The following DEPDC7 variants were observed in gnomAD, a reference collection of about 807,000 sequenced individuals.
DEPDC7 encodes DEP domain containing 7.
DEPDC7 carries 41 observed loss-of-function variants against 56.6 expected under a neutral mutation model. The ratio of observed to expected loss-of-function variants is 0.72; its 90% CI spans 0.56 to 0.94. The LOEUF is 0.94. Ranked by LOEUF, DEPDC7 falls within the 40% of genes least tolerant of loss-of-function variation. The pLI, the probability that DEPDC7 is intolerant of heterozygous loss-of-function variation, is 0.00. For synonymous variants in DEPDC7, 185 were observed against 208.8 expected, an observed-to-expected ratio of 0.89 and a Z score of 0.98; for missense variants, 522 against 596.3, an observed-to-expected ratio of 0.88 and a Z score of 1.30.
In DEPDC7 at chr11:33,028,764, G is replaced by C. The variant is rs1356247832; in HGVS notation, c.754G>C (p.Gly252Arg). ...MVNSSNYLDRGILKAYSDSQE... is the reference protein window; with the variant it reads ...MVNSSNYLDRRILKAYSDSQE... ...CAACAGCAGTAACTATCTGGATCGA[G>C]GGATTCTCAAGGCTTATAGTGACTC... Residue 252 changes from glycine to arginine, a missense_variant, in exon 4 of 9, where the codon GGG becomes CGG. Coordinates refer to ENST00000241051, the MANE Select transcript of DEPDC7 (RefSeq NM_001077242.2). 1 of 1,611,916 alleles carries C rather than the reference G, an allele frequency of 6.2e-7. No homozygotes were observed. Among genetic ancestry groups the C allele is most frequent in the African/African-American group, 1.3e-5 (1 of 74,822 alleles).
rs1384944332 is a variant in DEPDC7 at position 33,016,019 on chromosome 11, A to G, written c.64A>G (p.Arg22Gly). 15 of 1,546,070 alleles carry G rather than the reference A, an allele frequency of 9.7e-6. No individual in the cohort carries two copies. The highest frequency in any genetic ancestry group is 1.2e-5 in the Non-Finnish European group (14 of 1,146,620). The change falls in exon 1 of 9, where the codon AGG becomes GGG. Residue 22 changes from arginine to glycine, a missense_variant. By Grantham distance (125) the Arg-to-Gly change is moderately radical. Transcript: ENST00000241051. The part of the protein sequence containing the change: ...NLSALHSPAH[R>G]PPGFSVAQKP... ...CTCGGCTCTCCACAGCCCCGCGCAC[A>G]GGCCTCCGGGTAGGTGCCGAGGACT...
At position 33,015,879 on chromosome 11, in the gene DEPDC7, C is replaced by T. The variant is rs1455065250; in HGVS notation, c.-77C>T. Reference sequence around the variant, plus strand: ...GGCCTGCAGGGAGCCACGCCCCGCACAGTTAACAGACGGGCGCTCAGGGAG... The same window carrying T: ...GGCCTGCAGGGAGCCACGCCCCGCATAGTTAACAGACGGGCGCTCAGGGAG... On this transcript the variant is annotated 5_prime_UTR_variant, in exon 1 of 9. Coordinates refer to ENST00000241051, the MANE Select transcript of DEPDC7 (RefSeq NM_001077242.2). 6 of 1,410,578 alleles carry T rather than the reference C, an allele frequency of 4.3e-6. No homozygotes were observed. Among genetic ancestry groups the T allele is most frequent in the South Asian group, 1.3e-5 (1 of 76,562 alleles). 87.4% of individuals were successfully genotyped at this position (1,410,578 alleles called of 1,614,324 possible). A position where few individuals can be genotyped will look rare whatever the true frequency, so the allele number is the denominator to read the frequency against.
At chr11:33,016,349 G>A in intron 1 of DEPDC7, 1 of 1,414,670 alleles carries the variant, frequency 7.1e-7, no homozygotes, top group Non-Finnish European at 9.2e-7. Context: ...GGGAGCTCCG[G>A]GATATGCTCC....
chr11:33,026,119 A>T, intron 2 of DEPDC7, 70 bp downstream of exon 2: 1 of 1,538,632 alleles, frequency 6.5e-7, no homozygotes, highest in Non-Finnish European at 9.0e-7. Context: ...TGAGATGCCT[A>T]CTGGCTTTAT....
At chr11:33,026,793 C>CTTTTCTTTCCT (rs1554938364) in intron 2 of DEPDC7, 4 of 107,594 alleles carry the variant, frequency 3.7e-5, no homozygotes, top group African/African-American at 1.2e-4. Flanking sequence ...CTTTTCTTTT[C>CTTTTCTTTCCT]TTTTTTTTCC....
intron 1 of DEPDC7, among the ~76,000 whole-genome samples, chr11:33,022,392 G>C (rs1853532377): frequency 6.6e-6 from 1 of 152,140 alleles, no homozygotes; most frequent in East Asian, 1.9e-4. Flanking sequence ...TTATGTTTAA[G>C]TACTAGGAAA....
rs200779852 is a variant in DEPDC7 at position 33,016,560 on chromosome 11, C to G, written c.73+532C>G. On this transcript the variant is annotated intron_variant, in intron 1 of 8. Coordinates refer to ENST00000241051, the MANE Select transcript of DEPDC7 (RefSeq NM_001077242.2). ...GAGGGATGAGAGGTTTATGTGAGTT[C>G]TACTGGCAGGAATTTGGCATAAAAG... 3.7e-6 allele frequency: 6 copies of G among 1,614,152 alleles called. No individual in the cohort carries two copies. The Admixed American group carries it at 8.3e-5, about 22-fold the overall frequency.
chr11:33,032,975 G>C lies in DEPDC7; in HGVS notation c.1342+8G>C. The stretch of plus-strand genomic sequence containing the variant: ...ATCCAAATAGAGATGCAGGTAATCT[G>C]AGAAATATTATTTTCATGATCTTCC... On this transcript the variant is annotated splice_region_variant and intron_variant, in intron 8 of 8. Coordinates refer to ENST00000241051, the MANE Select transcript of DEPDC7 (RefSeq NM_001077242.2). The C allele has an allele frequency of 6.4e-7, 1 of 1,555,402 alleles. No homozygotes were observed. The highest frequency in any genetic ancestry group is 8.7e-7 in the Non-Finnish European group (1 of 1,144,734).
chr11:33,018,798 G>T, intron 1 of DEPDC7, among the ~76,000 whole-genome samples: 1 of 152,058 alleles, frequency 6.6e-6, no homozygotes, highest in East Asian at 1.9e-4. Flanking sequence ...TCTCTTCCAG[G>T]ATCCCATCCA....
intron 1 of DEPDC7, among the ~76,000 whole-genome samples, chr11:33,024,202 GA>G (rs1448658819): frequency 3.9e-5 from 6 of 152,142 alleles, no homozygotes; most frequent in African/African-American, 1.4e-4. Context: ...TTACAATGAG[GA>G]AAAATGTGAT....
intron 5 of DEPDC7, 144 bp downstream of exon 5, chr11:33,031,733 TTC>T: frequency 1.4e-6 from 1 of 691,604 alleles, no homozygotes; most frequent in Non-Finnish European, 2.4e-6. Context: ...GTTCAAAAAC[TTC>T]TAGGGGTCAT....
rs1231146986 is a variant in DEPDC7, at chr11:33,026,198, A to AT, written c.464+153dup. ...GGTAAATTTGATAAAGTGCGATGAA[A>AT]TTTTGTTAGCTTTATTGGGTGTCTC... On this transcript the variant is annotated intron_variant, in intron 2 of 8. Coordinates refer to ENST00000241051, the MANE Select transcript of DEPDC7 (RefSeq NM_001077242.2). 13 of 833,052 alleles carry AT rather than the reference A, an allele frequency of 1.6e-5. No individual in the cohort carries two copies. The South Asian group carries it at 2.1e-4, about 13-fold the overall frequency. The allele number at this position is 833,052 out of a possible 1,614,324, so 51.6% of individuals were successfully genotyped here. A position where few individuals can be genotyped will look rare whatever the true frequency, so the allele number is the denominator to read the frequency against.
chr11:33,029,704 A>AT (rs1285096427), intron 4 of DEPDC7, among the ~76,000 whole-genome samples: 2 of 152,152 alleles, frequency 1.3e-5, no homozygotes, highest in Admixed American at 1.3e-4. Context: ...TTCTAGCTTA[A>AT]TTTTTTATTA....
chr11:33,029,220 G>A (rs922045749), intron 4 of DEPDC7, among the ~76,000 whole-genome samples: 5 of 151,334 alleles, frequency 3.3e-5, no homozygotes, highest in African/African-American at 9.7e-5. Context: ...CAATAAGGCC[G>A]GGTGCGGTGG....
chr11:33,024,080 A>AT (rs1315912303), intron 1 of DEPDC7, among the ~76,000 whole-genome samples: 3 of 152,226 alleles, frequency 2.0e-5, no homozygotes, highest in African/African-American at 7.2e-5. Context: ...GAAAGGAAAA[A>AT]AGGGAGGGAG....
In DEPDC7 at chr11:33,030,453, G is replaced by A. The variant is rs182554080; in HGVS notation, c.783-925G>A. Among the ~76,000 whole-genome samples the A allele has an allele frequency of 3.5e-4, 18 of 52,166 alleles. No individual in the cohort carries two copies. The East Asian group carries it at 8.5e-3, about 25-fold the overall frequency. 34.2% of individuals were successfully genotyped at this position (52,166 alleles called of 152,430 possible). A position where few individuals can be genotyped will look rare whatever the true frequency, so the allele number is the denominator to read the frequency against. Reference sequence around the variant, plus strand: ...AGGACATGATTGATTGCTTTTTAACGATAGATAGATAGATAGATAGATATA... The same window carrying A: ...AGGACATGATTGATTGCTTTTTAACAATAGATAGATAGATAGATAGATATA... On this transcript the variant is annotated intron_variant, in intron 4 of 8. Transcript: ENST00000241051.
In DEPDC7 at chr11:33,032,921, T is replaced by G; in HGVS notation, c.1296T>G (p.Val432=). Reference sequence around the variant, plus strand: ...GAACTCTACATAAAATTGTAAGTGTTAAGCTTATGGCCATACAGAACGGAA... The same window carrying G: ...GAACTCTACATAAAATTGTAAGTGTGAAGCTTATGGCCATACAGAACGGAA... ...IPGTLHKIVS[V]KLMAIQNGRD... The change falls in exon 8 of 9, where the codon GTT becomes GTG. Residue 432 remains valine, a synonymous_variant. Coordinates refer to ENST00000241051, the MANE Select transcript of DEPDC7 (RefSeq NM_001077242.2). 3 of 1,606,380 alleles carry G rather than the reference T, an allele frequency of 1.9e-6. No homozygotes were observed. The highest frequency in any genetic ancestry group is 2.5e-6 in the Non-Finnish European group (3 of 1,176,826).
Position 33,030,342 on chromosome 11 carries a change from T to C in DEPDC7, c.783-1036T>C, listed in dbSNP as rs116008441. Among the ~76,000 whole-genome samples, 1,143 of 152,262 alleles carry C rather than the reference T, an allele frequency of 7.5e-3. 22 individuals are homozygous for C. The highest frequency in any genetic ancestry group is 0.026 in the African/African-American group (1,088 of 41,530). ...TCATCTTATCATATAAAGTTGAAGCTGATGTCAAGAGAGGTGAAATGACCT... is the reference window on the plus strand; with the variant it reads ...TCATCTTATCATATAAAGTTGAAGCCGATGTCAAGAGAGGTGAAATGACCT... On this transcript the variant is annotated intron_variant, in intron 4 of 8. Transcript: ENST00000241051.
intron 1 of DEPDC7, 77 bp downstream of exon 1, chr11:33,016,105 G>A (rs948661704): frequency 2.4e-6 from 3 of 1,261,192 alleles, no homozygotes; most frequent in African/African-American, 3.1e-5. Flanking sequence ...CGCGGGGCGG[G>A]CGGCGTGGGG....
Sources: gnomAD v4.1 joint callset for allele counts (sites outside exome capture counted in the v4.1 genomes callset) on GRCh38, gnomAD v4.1.1 for gene constraint, MANE v1.5 for transcripts, NCBI Gene and HGNC (gene_info 2026-07-23, HGNC 2026-07-21) for gene names.